ZDHHC14: variants seen among roughly 807,000 people sequenced by gnomAD.
The protein encoded by ZDHHC14 is zDHHC palmitoyltransferase 14, also known as palmitoyltransferase ZDHHC14.
A neutral mutation model predicts 47.7 loss-of-function variants in ZDHHC14; 16 were observed. That is an observed-to-expected ratio of 0.34 (90% CI 0.23 to 0.51). The LOEUF is 0.51. ZDHHC14 is among the 20% of genes least tolerant of loss of function. The probability of loss-of-function intolerance (pLI) is 0.97; values close to 1 mark genes in which losing one functional copy is unlikely to be tolerated. For synonymous variants in ZDHHC14, 293 were observed against 278.9 expected, an observed-to-expected ratio of 1.05 and a Z score of -0.50; for missense variants, 515 against 662.5, an observed-to-expected ratio of 0.78 and a Z score of 2.44.
At position 157,382,063 on chromosome 6, in the gene ZDHHC14, C is replaced by T. The variant is rs761479371; in HGVS notation, c.42C>T (p.Tyr14=). The part of the protein sequence containing the change: ...GGGGPMKDCE[Y]SQISTHSSSP... Reference sequence around the variant, plus strand: ...GCGGGCCCATGAAAGACTGCGAGTACAGCCAGATCAGCACCCACAGCTCCT... The same window carrying T: ...GCGGGCCCATGAAAGACTGCGAGTATAGCCAGATCAGCACCCACAGCTCCT... Residue 14 remains tyrosine, a synonymous_variant, in exon 1 of 9, where the codon TAC becomes TAT. Transcript: ENST00000359775. 3 of 1,597,136 alleles carry T rather than the reference C, an allele frequency of 1.9e-6. No homozygotes were observed. Among genetic ancestry groups the T allele is most frequent in the South Asian group, 1.1e-5 (1 of 89,076 alleles).
intron 3 of ZDHHC14, among the ~76,000 whole-genome samples, chr6:157,623,659 C>T (rs951905558): frequency 4.2e-4 from 64 of 151,582 alleles, no homozygotes; most frequent in African/African-American, 1.5e-3. Flanking sequence ...AAGCGGTTCT[C>T]CTGCCTCAGC....
chr6:157,410,800 G>A (rs561408395), intron 1 of ZDHHC14, among the ~76,000 whole-genome samples: 6 of 152,112 alleles, frequency 3.9e-5, no homozygotes, highest in South Asian at 2.1e-4. Flanking sequence ...GGGTTCAAGC[G>A]ATTCTCCTGC....
At chr6:157,420,588 C>G (rs1459824013) in intron 1 of ZDHHC14, among the ~76,000 whole-genome samples, 3 of 152,104 alleles carry the variant, frequency 2.0e-5, no homozygotes, top group Non-Finnish European at 4.4e-5. Flanking sequence ...GAGGTGTAGT[C>G]ATTGAAGTGG....
At chr6:157,629,990 A>G (rs1424161317) in intron 4 of ZDHHC14, 1 of 152,120 alleles carries the variant, frequency 6.6e-6, no homozygotes. Flanking sequence ...TTTAGACATT[A>G]TTTATTTTTA....
At chr6:157,410,464 G>C (rs1281219529) in intron 1 of ZDHHC14, among the ~76,000 whole-genome samples, 2 of 152,200 alleles carry the variant, frequency 1.3e-5, no homozygotes. Flanking sequence ...AAGACTTGCA[G>C]ATCTTTGAGC....
chr6:157,530,907 AT>A lies in ZDHHC14; in HGVS notation c.246-11677del, dbSNP rs1454021296. Among the ~76,000 whole-genome samples, 20 of 152,236 alleles carry A rather than the reference AT, an allele frequency of 1.3e-4. No homozygotes were observed. In the South Asian group the frequency reaches 3.1e-3, roughly 24 times the overall value. On this transcript the variant is annotated intron_variant, in intron 1 of 8. Transcript: ENST00000359775. ...TGATGACGGATATGTTAAAAAAAAA[AT>A]CTTCAATTCCTCTTTATTCTTAGGG...
chr6:157,534,491 T>C (rs1049009008), intron 1 of ZDHHC14, among the ~76,000 whole-genome samples: 1 of 151,876 alleles, frequency 6.6e-6, no homozygotes, highest in African/African-American at 2.4e-5. Flanking sequence ...TTCCCTCCCA[T>C]GATTCACATG....
chr6:157,477,919 G>A (rs186719458), intron 1 of ZDHHC14, among the ~76,000 whole-genome samples: 76 of 152,288 alleles, frequency 5.0e-4, no homozygotes, highest in African/African-American at 1.4e-3. Context: ...TATGAACGAC[G>A]TTAACTTTCT....
At chr6:157,634,457 G>A (rs1304509196) in intron 5 of ZDHHC14, among the ~76,000 whole-genome samples, 2 of 152,126 alleles carry the variant, frequency 1.3e-5, no homozygotes, top group Admixed American at 6.5e-5. Flanking sequence ...TACCAGGGGT[G>A]ACATCCCCCC....
At chr6:157,396,857 A>G (rs760695473) in intron 1 of ZDHHC14, among the ~76,000 whole-genome samples, 8 of 152,274 alleles carry the variant, frequency 5.3e-5, no homozygotes, top group African/African-American at 1.4e-4. Context: ...CTAGAAAAAA[A>G]TAAAGATAGG....
intron 3 of ZDHHC14, among the ~76,000 whole-genome samples, chr6:157,627,400 A>G (rs1465193311): frequency 6.6e-6 from 1 of 152,236 alleles, no homozygotes; most frequent in East Asian, 1.9e-4. Context: ...CAGCCGCCAC[A>G]GGCAGTCTTG....
chr6:157,669,057 G>A (rs1468576400), intron 8 of ZDHHC14, among the ~76,000 whole-genome samples: 1 of 152,206 alleles, frequency 6.6e-6, no homozygotes, highest in East Asian at 1.9e-4. Flanking sequence ...TCCCAGTAAA[G>A]CCACCTCTAG....
chr6:157,409,972 G>A (rs1026974938), intron 1 of ZDHHC14, among the ~76,000 whole-genome samples: 1 of 152,072 alleles, frequency 6.6e-6, no homozygotes, highest in Admixed American at 6.6e-5. Context: ...GGGACTACAG[G>A]CACATGCCAC....
intron 1 of ZDHHC14, among the ~76,000 whole-genome samples, chr6:157,508,367 G>A (rs993710153): frequency 6.6e-6 from 1 of 152,016 alleles, no homozygotes; most frequent in African/African-American, 2.4e-5. Flanking sequence ...GGATATTGAT[G>A]TGTTGTATTT....
At chr6:157,623,539 C>CT (rs1194920593) in intron 3 of ZDHHC14, among the ~76,000 whole-genome samples, 4,572 of 126,208 alleles carry the variant, frequency 0.036, 216 homozygotes, top group African/African-American at 0.065. Context: ...ACTCATACAT[C>CT]TTTTTTTTTT....
intron 1 of ZDHHC14, among the ~76,000 whole-genome samples, chr6:157,403,646 C>T (rs1453592649): frequency 1.3e-5 from 2 of 152,206 alleles, no homozygotes; most frequent in East Asian, 3.8e-4. Context: ...AACAACCAAC[C>T]TACAAATTAA....
intron 1 of ZDHHC14, among the ~76,000 whole-genome samples, chr6:157,421,156 T>C (rs1778092486): frequency 6.6e-6 from 1 of 152,006 alleles, no homozygotes; most frequent in African/African-American, 2.4e-5. Context: ...TGATATCAAG[T>C]AGACTTTATA....
intron 1 of ZDHHC14, among the ~76,000 whole-genome samples, chr6:157,540,908 G>GTATA (rs1200618040): frequency 7.6e-6 from 1 of 131,536 alleles, no homozygotes; most frequent in Non-Finnish European, 1.5e-5. Flanking sequence ...GTGTGTGTGT[G>GTATA]TGTATATATA....
rs905022292 is a variant in ZDHHC14, at chr6:157,634,888, G to T, written c.752+2006G>T. On this transcript the variant is annotated intron_variant, in intron 5 of 8. Transcript: ENST00000359775. The stretch of plus-strand genomic sequence containing the variant: ...AGCCTGGTCATTCCAGCTGCCTTGT[G>T]TCTGGCCTGCTGGCGGCTTCTGCTC... 5.9e-5 allele frequency among the ~76,000 whole-genome samples: 9 copies of T among 152,336 alleles called. No homozygotes were observed. The East Asian group carries it at 1.7e-3, about 29-fold the overall frequency.
Sources: allele counts gnomAD v4.1 joint callset (sites outside exome capture counted in the v4.1 genomes callset), GRCh38; gene constraint gnomAD v4.1.1; transcripts MANE v1.5; gene names NCBI Gene and HGNC (gene_info 2026-07-23, HGNC 2026-07-21).